The following ANGPTL1 variants were observed in gnomAD, a reference collection of about 807,000 sequenced individuals.
The protein encoded by ANGPTL1 is angiopoietin-related protein 1.
A neutral mutation model predicts 46.7 loss-of-function variants in ANGPTL1; 36 were observed. The ratio of observed to expected loss-of-function variants is 0.77; its 90% CI spans 0.59 to 1.02. The LOEUF is 1.02. ANGPTL1 is among the 50% of genes least tolerant of loss of function. The pLI is 0.00. For synonymous variants in ANGPTL1, 221 were observed against 204.3 expected, an observed-to-expected ratio of 1.08 and a Z score of -0.69; for missense variants, 571 against 594.7, an observed-to-expected ratio of 0.96 and a Z score of 0.41.
In ANGPTL1 at chr1:178,852,907, T is replaced by A. The variant is rs367915584; in HGVS notation, c.1064A>T (p.Asn355Ile). Residue 355 changes from asparagine (N) to isoleucine (I), a missense_variant, in exon 5 of 6, where the codon AAT becomes ATT. Coordinates refer to ENST00000234816, the MANE Select transcript of ANGPTL1 (RefSeq NM_004673.4). ...ATCTTGATTGCTAAGCATATAGATA[T>A]TTTCCAGTCCAAGCCAGTATTCTCC... is the stretch of plus-strand genomic sequence containing the variant. ...IDGEYWLGLENIYMLSNQDNY... is the reference protein window; with the variant it reads ...IDGEYWLGLEIIYMLSNQDNY... The A allele has an allele frequency of 6.2e-7, 1 of 1,613,712 alleles. No homozygotes were observed. Among genetic ancestry groups the A allele is most frequent in the Non-Finnish European group, 8.5e-7 (1 of 1,179,762 alleles).
chr1:178,856,955 A>T (rs1657626976), intron 3 of ANGPTL1, among the ~76,000 whole-genome samples: 2 of 152,154 alleles, frequency 1.3e-5, no homozygotes, highest in Non-Finnish European at 2.9e-5. Flanking sequence ...AAAAAATCCC[A>T]TGTAAACCAG....
intron 3 of ANGPTL1, among the ~76,000 whole-genome samples, chr1:178,854,634 G>C (rs1400993461): frequency 6.6e-6 from 1 of 152,092 alleles, no homozygotes; most frequent in Non-Finnish European, 1.5e-5. Context: ...GGTGATAGTT[G>C]ATAGATGTTC....
intron 3 of ANGPTL1, among the ~76,000 whole-genome samples, chr1:178,855,777 G>A (rs902337843): frequency 6.6e-6 from 1 of 151,406 alleles, no homozygotes; most frequent in Non-Finnish European, 1.5e-5. Context: ...TATCATGAAT[G>A]GATTTTGGAT....
chr1:178,852,789 GA>G lies in ANGPTL1; in HGVS notation c.1181del (p.Phe394SerfsTer17), dbSNP rs1360948265. On this transcript the variant is annotated frameshift_variant, in exon 5 of 6. Transcript: ENST00000234816. LOFTEE classifies it high-confidence loss of function. Reference sequence around the variant, plus strand: ...GGTAAGTTCCCAGGCGCAGTCTATAGAATTCACTTTCAGGTTCCAGACGAAA... The same window carrying G: ...GGTAAGTTCCCAGGCGCAGTCTATAGATTCACTTTCAGGTTCCAGACGAAA... ...SSFRLEPESE[F>X]YRLRLGTYQG... 5.0e-6 allele frequency: 8 copies of G among 1,613,796 alleles called. No homozygotes were observed.
intron 3 of ANGPTL1, among the ~76,000 whole-genome samples, chr1:178,859,601 T>A (rs2102317123): frequency 6.6e-6 from 1 of 151,254 alleles, no homozygotes; most frequent in African/African-American, 2.4e-5. Context: ...TGTCCTCATA[T>A]ACCTAATATG....
intron 3 of ANGPTL1, among the ~76,000 whole-genome samples, chr1:178,862,516 T>G (rs915063348): frequency 6.6e-6 from 1 of 151,972 alleles, no homozygotes; most frequent in Non-Finnish European, 1.5e-5. Context: ...TTACAGAGAG[T>G]AGAGGTATTC....
At chr1:178,868,457 A>G (rs555194228) in intron 2 of ANGPTL1, among the ~76,000 whole-genome samples, 1 of 152,030 alleles carries the variant, frequency 6.6e-6, no homozygotes, top group Non-Finnish European at 1.5e-5. Context: ...ACTATGAAAT[A>G]AACTACCAAA....
chr1:178,852,570 A>G, intron 5 of ANGPTL1, 113 bp downstream of exon 5: 2 of 1,149,418 alleles, frequency 1.7e-6, no homozygotes, highest in Non-Finnish European at 2.4e-6. Flanking sequence ...TTCCTGCCAC[A>G]GTGACCAAAA....
intron 3 of ANGPTL1, among the ~76,000 whole-genome samples, chr1:178,862,619 TTATTTA>T (rs1658111292): frequency 1.3e-5 from 2 of 151,260 alleles, no homozygotes; most frequent in African/African-American, 4.9e-5. Context: ...ATTTATTTAT[TTATTTA>T]TTTATTTGGT....
In ANGPTL1 at chr1:178,859,934, GT is replaced by G. The variant is rs532819051; in HGVS notation, c.823+5019del. ...GGGTTTCGCCATGTTAGCCAGGATGGTCTCGATCTCCTGACCTCGTGATCCA... is the reference window on the plus strand; with the variant it reads ...GGGTTTCGCCATGTTAGCCAGGATGGCTCGATCTCCTGACCTCGTGATCCA... On this transcript the variant is annotated intron_variant, in intron 3 of 5. Transcript: ENST00000234816. 1.3e-3 allele frequency among the ~76,000 whole-genome samples: 189 copies of G among 151,168 alleles called. 1 individual carries two copies. Among genetic ancestry groups the G allele is most frequent in the African/African-American group, 4.2e-3 (173 of 41,168 alleles).
At chr1:178,867,836 T>C (rs3753535) in intron 2 of ANGPTL1, among the ~76,000 whole-genome samples, 35,875 of 151,614 alleles carry the variant, frequency 0.24, 4,941 homozygotes, top group Non-Finnish European at 0.32. Context: ...ACAAAGGTCA[T>C]GTCAATGAAA....
chr1:178,857,440 G>A (rs1043273271), intron 3 of ANGPTL1, among the ~76,000 whole-genome samples: 5 of 152,090 alleles, frequency 3.3e-5, no homozygotes, highest in Admixed American at 2.0e-4. Context: ...AGTCAAGTGG[G>A]GGGTGGGAGA....
intron 3 of ANGPTL1, among the ~76,000 whole-genome samples, chr1:178,856,232 T>C (rs543226168): frequency 1.4e-4 from 18 of 130,438 alleles, no homozygotes; most frequent in African/African-American, 5.5e-4. Context: ...TATATATATA[T>C]ATGGTTTTGG....
intron 3 of ANGPTL1, among the ~76,000 whole-genome samples, chr1:178,857,425 C>G (rs987898018): frequency 7.2e-5 from 11 of 152,048 alleles, no homozygotes; most frequent in African/African-American, 2.7e-4. Context: ...AAGAAACAAC[C>G]TTAGAGTCAA....
chr1:178,857,967 G>A (rs1304416548), intron 3 of ANGPTL1, among the ~76,000 whole-genome samples: 2 of 152,110 alleles, frequency 1.3e-5, no homozygotes, highest in African/African-American at 4.8e-5. Context: ...GATTTCATAA[G>A]ACTTCAATTA....
At chr1:178,867,361 G>C (rs1204737314) in intron 2 of ANGPTL1, among the ~76,000 whole-genome samples, 2 of 152,094 alleles carry the variant, frequency 1.3e-5, no homozygotes, top group African/African-American at 2.4e-5. Context: ...GCGAGAATTT[G>C]AATCCAGGCT....
chr1:178,859,261 C>G (rs1657794040), intron 3 of ANGPTL1, among the ~76,000 whole-genome samples: 1 of 151,828 alleles, frequency 6.6e-6, no homozygotes, highest in Admixed American at 6.6e-5. Flanking sequence ...TATAAGTATT[C>G]CATTGAAACC....
intron 3 of ANGPTL1, among the ~76,000 whole-genome samples, chr1:178,863,679 G>A (rs1558158211): frequency 6.6e-6 from 1 of 152,194 alleles, no homozygotes; most frequent in Admixed American, 6.5e-5. Flanking sequence ...CATCTGAGCA[G>A]TGGTGATACT....
intron 3 of ANGPTL1, among the ~76,000 whole-genome samples, chr1:178,854,485 A>G (rs991771656): frequency 6.6e-6 from 1 of 152,166 alleles, no homozygotes; most frequent in African/African-American, 2.4e-5. Flanking sequence ...AAACTCATAG[A>G]ATCTTAAATT....
Sources: allele counts gnomAD v4.1 joint callset (sites outside exome capture counted in the v4.1 genomes callset), GRCh38; gene constraint gnomAD v4.1.1; transcripts MANE v1.5; gene names NCBI Gene and HGNC (gene_info 2026-07-23, HGNC 2026-07-21).